The following GRM7 variants were observed in gnomAD, a reference collection of about 807,000 sequenced individuals.
GRM7 encodes the protein glutamate metabotropic receptor 7, also known as metabotropic glutamate receptor 7.
GRM7 carries 35 observed loss-of-function variants against 84.5 expected under a neutral mutation model. That is an observed-to-expected ratio of 0.41 (90% CI 0.32 to 0.55). The LOEUF (loss-of-function observed/expected upper bound fraction) is 0.55. GRM7 is among the 20% of genes least tolerant of loss of function. GRM7 has a pLI of 0.19. For missense variants in GRM7, 1,003 were observed against 1,194.6 expected, an observed-to-expected ratio of 0.84 and a Z score of 2.36; for synonymous variants, 487 against 455.1, an observed-to-expected ratio of 1.07 and a Z score of -0.89.
rs184468711 is a variant in GRM7 at position 7,345,974 on chromosome 3, T to C, written c.1033+39322T>C. Among the ~76,000 whole-genome samples, 164 of 152,268 alleles carry C rather than the reference T, an allele frequency of 1.1e-3. 1 individual carries two copies. Among genetic ancestry groups the C allele is most frequent in the African/African-American group, 3.8e-3 (157 of 41,562 alleles). ...TCAATACAGAAAAATAATCATAAAC[T>C]ATGAATCAAACTATATTTCTTTCCC... On this transcript the variant is annotated intron_variant, in intron 4 of 9. Transcript: ENST00000357716.
intron 1 of GRM7, among the ~76,000 whole-genome samples, chr3:7,018,001 T>C (rs957395231): frequency 6.6e-6 from 1 of 152,228 alleles, no homozygotes; most frequent in Non-Finnish European, 1.5e-5. Context: ...AGAAAGTATG[T>C]TATTCCATAA....
At chr3:7,667,542 A>AT (rs1477336842) in intron 8 of GRM7, among the ~76,000 whole-genome samples, 3 of 152,144 alleles carry the variant, frequency 2.0e-5, no homozygotes, top group African/African-American at 7.2e-5. Context: ...TCATCCATCA[A>AT]TTTTTTAATA....
chr3:7,301,621 A>G (rs570238518), intron 3 of GRM7, among the ~76,000 whole-genome samples: 5 of 152,294 alleles, frequency 3.3e-5, no homozygotes, highest in African/African-American at 9.6e-5. Flanking sequence ...TGTAAACTGT[A>G]TTCAATAATG....
intron 8 of GRM7, among the ~76,000 whole-genome samples, chr3:7,583,783 G>A (rs1026805671): frequency 6.6e-6 from 1 of 152,144 alleles, no homozygotes; most frequent in Non-Finnish European, 1.5e-5. Flanking sequence ...ATTAGTTTAT[G>A]CTTCTGTGCT....
At chr3:7,579,439 A>G in intron 8 of GRM7, 82 bp downstream of exon 8, 1 of 804,120 alleles carries the variant, frequency 1.2e-6, no homozygotes, top group Admixed American at 2.9e-5. Flanking sequence ...GATTGTATAA[A>G]GTAAGAAGTT....
At chr3:7,525,503 A>G (rs1023701617) in intron 7 of GRM7, among the ~76,000 whole-genome samples, 2 of 152,086 alleles carry the variant, frequency 1.3e-5, no homozygotes, top group Non-Finnish European at 2.9e-5. Context: ...GCAGGTATCC[A>G]TCACAGAGCC....
intron 7 of GRM7, among the ~76,000 whole-genome samples, chr3:7,511,857 T>C (rs779727): frequency 0.72 from 109,941 of 152,096 alleles, 40,656 homozygotes; most frequent in African/African-American, 0.87. Flanking sequence ...AATGACCATT[T>C]AGGGCTGGGA....
chr3:7,613,493 A>G (rs1249633275), intron 8 of GRM7, among the ~76,000 whole-genome samples: 6 of 152,210 alleles, frequency 3.9e-5, no homozygotes, highest in African/African-American at 9.6e-5. Flanking sequence ...AAAAATAAAC[A>G]TAAGGTACCA....
At chr3:7,520,718 C>A (rs1162579418) in intron 7 of GRM7, among the ~76,000 whole-genome samples, 1 of 152,170 alleles carries the variant, frequency 6.6e-6, no homozygotes, top group African/African-American at 2.4e-5. Flanking sequence ...GTTACACAGA[C>A]AACTGAGCTG....
chr3:6,997,138 G>A (rs569548534), intron 1 of GRM7, among the ~76,000 whole-genome samples: 14 of 151,916 alleles, frequency 9.2e-5, no homozygotes, highest in Admixed American at 5.2e-4. Context: ...AGCTCATTTG[G>A]CCTCTTATTT....
chr3:7,656,522 A>ATATAT (rs1553632698), intron 8 of GRM7, among the ~76,000 whole-genome samples: 7 of 128,606 alleles, frequency 5.4e-5, no homozygotes, highest in African/African-American at 1.1e-4. Context: ...AATAAAAAAA[A>ATATAT]ATATATATAT....
At chr3:7,496,311 T>C (rs1699699615) in intron 7 of GRM7, among the ~76,000 whole-genome samples, 1 of 152,202 alleles carries the variant, frequency 6.6e-6, no homozygotes, top group Admixed American at 6.5e-5. Context: ...CCTCTGGACA[T>C]GATATGCTGA....
intron 8 of GRM7, among the ~76,000 whole-genome samples, chr3:7,589,676 G>A (rs1695688599): frequency 6.6e-6 from 1 of 152,138 alleles, no homozygotes; most frequent in South Asian, 2.1e-4. Context: ...AGGGGTTTGG[G>A]AAATGAAAGG....
At chr3:7,246,879 ATTG>A (rs1697781812) in intron 2 of GRM7, among the ~76,000 whole-genome samples, 1 of 152,100 alleles carries the variant, frequency 6.6e-6, no homozygotes, top group African/African-American at 2.4e-5. Context: ...AAGGACAAAC[ATTG>A]TTGTAGGATT....
intron 2 of GRM7, among the ~76,000 whole-genome samples, chr3:7,163,642 A>G (rs1694705854): frequency 6.6e-6 from 1 of 152,210 alleles, no homozygotes. Flanking sequence ...TATTTTAGAC[A>G]GGGTGGTTGG....
intron 9 of GRM7, among the ~76,000 whole-genome samples, chr3:7,730,490 C>T (rs977992959): frequency 3.3e-5 from 5 of 152,242 alleles, no homozygotes; most frequent in African/African-American, 9.6e-5. Context: ...AGAAACTGTT[C>T]GAGGATATGG....
At chr3:7,670,214 G>A (rs1268335438) in intron 8 of GRM7, among the ~76,000 whole-genome samples, 2 of 152,162 alleles carry the variant, frequency 1.3e-5, no homozygotes, top group Non-Finnish European at 2.9e-5. Context: ...CATATACAGA[G>A]AAAAGTGTGG....
intron 1 of GRM7, among the ~76,000 whole-genome samples, chr3:7,068,672 C>T (rs1043401603): frequency 2.0e-5 from 3 of 151,910 alleles, no homozygotes; most frequent in African/African-American, 7.2e-5. Context: ...TTTTCATGTT[C>T]TGTTCTCAAT....
intron 2 of GRM7, among the ~76,000 whole-genome samples, chr3:7,266,100 C>T (rs942159881): frequency 9.2e-5 from 14 of 151,782 alleles, no homozygotes; most frequent in African/African-American, 3.4e-4. Flanking sequence ...CAGAAGAGAG[C>T]GAGAGAGAGA....
Sources: allele counts gnomAD v4.1 joint callset (sites outside exome capture counted in the v4.1 genomes callset), GRCh38; gene constraint gnomAD v4.1.1; transcripts MANE v1.5; gene names NCBI Gene and HGNC (gene_info 2026-07-23, HGNC 2026-07-21).